The following PDE4D variants were observed in gnomAD, a reference collection of about 807,000 sequenced individuals.
The protein encoded by PDE4D is 3',5'-cyclic-AMP phosphodiesterase 4D.
A neutral mutation model predicts 87.4 loss-of-function variants in PDE4D; 24 were observed. The observed-to-expected ratio is 0.27, with a 90% confidence interval of 0.20 to 0.39. The LOEUF is 0.39. Among genes scored for constraint, PDE4D ranks in the 10% least tolerant of loss-of-function variants. The probability of loss-of-function intolerance (pLI) is 1.00; values close to 1 mark genes in which losing one functional copy is unlikely to be tolerated. For missense variants in PDE4D, 714 were observed against 1,041.0 expected (o/e 0.69, Z 4.32); for synonymous variants, 384 against 383.2 (o/e 1.00, Z -0.02).
In PDE4D at chr5:58,993,507, A is replaced by G. The variant is rs7724713; in HGVS notation, c.922-42T>C. 0.84 allele frequency: 1,088,614 copies of G among 1,292,418 alleles called. 459,343 individuals are homozygous for G. Among genetic ancestry groups the G allele is most frequent in the Admixed American group, 0.9 (44,047 of 48,686 alleles). The allele number at this position is 1,292,418 out of a possible 1,614,324, so 80.1% of individuals were successfully genotyped here. Reference sequence around the variant, plus strand: ...TAAAATGAAATAATAGAAGAGGAAAATTTAAGTGAAATATATATGCATACT... The same window carrying G: ...TAAAATGAAATAATAGAAGAGGAAAGTTTAAGTGAAATATATATGCATACT... On this transcript the variant is annotated intron_variant, in intron 6 of 14. Transcript: ENST00000340635.
chr5:59,882,493 G>A (rs531872051), intron 1 of PDE4D, among the ~76,000 whole-genome samples: 14 of 152,202 alleles, frequency 9.2e-5, no homozygotes, highest in African/African-American at 2.9e-4. Context: ...GGACAATCTC[G>A]ATAGACTAAA....
chr5:60,469,952 T>C (rs552735466), intron 1 of PDE4D, among the ~76,000 whole-genome samples: 1 of 152,316 alleles, frequency 6.6e-6, no homozygotes, highest in African/African-American at 2.4e-5. Context: ...TATCTCACTT[T>C]AAATCAAAAG....
chr5:59,493,697 T>C (rs896910086), intron 1 of PDE4D, among the ~76,000 whole-genome samples: 4 of 152,236 alleles, frequency 2.6e-5, no homozygotes, highest in South Asian at 2.1e-4. Flanking sequence ...AATGTTTTAA[T>C]GTATAGGTAA....
intron 1 of PDE4D, among the ~76,000 whole-genome samples, chr5:59,494,514 C>T (rs922532481): frequency 6.6e-6 from 1 of 152,194 alleles, no homozygotes; most frequent in Non-Finnish European, 1.5e-5. Context: ...TTCTGGTCTA[C>T]ATCAGTTCTC....
intron 1 of PDE4D, among the ~76,000 whole-genome samples, chr5:60,341,290 C>G (rs1758295871): frequency 6.6e-6 from 1 of 152,192 alleles, no homozygotes; most frequent in South Asian, 2.1e-4. Context: ...GCACAGAGCC[C>G]AGGCAGGCAT....
chr5:59,707,935 T>C (rs1272307865), intron 1 of PDE4D, among the ~76,000 whole-genome samples: 1 of 152,208 alleles, frequency 6.6e-6, no homozygotes, highest in African/African-American at 2.4e-5. Context: ...GTATGTATCT[T>C]TGTAACAGAA....
At chr5:59,304,870 G>A (rs181004356) in intron 1 of PDE4D, among the ~76,000 whole-genome samples, 3 of 152,120 alleles carry the variant, frequency 2.0e-5, no homozygotes, top group Admixed American at 2.0e-4. Flanking sequence ...TTTTGGTTAT[G>A]TCCTTTCCTG....
intron 11 of PDE4D, among the ~76,000 whole-genome samples, chr5:58,981,447 TATAAAG>T (rs1745124062): frequency 6.7e-6 from 1 of 150,220 alleles, no homozygotes; most frequent in East Asian, 2.0e-4. Context: ...TAAATACTAA[TATAAAG>T]TTAATACCTC....
At chr5:59,623,157 C>T (rs1830524433) in intron 1 of PDE4D, among the ~76,000 whole-genome samples, 2 of 152,112 alleles carry the variant, frequency 1.3e-5, no homozygotes, top group Admixed American at 6.6e-5. Context: ...GTCAAAAATA[C>T]AGAATATCCT....
chr5:60,086,026 T>A (rs1218304463), intron 2 of PDE4D, among the ~76,000 whole-genome samples: 1 of 152,194 alleles, frequency 6.6e-6, no homozygotes, highest in African/African-American at 2.4e-5. Flanking sequence ...AGTAAAAAAA[T>A]GGCATCTATT....
intron 6 of PDE4D, among the ~76,000 whole-genome samples, chr5:59,031,362 GATAT>G (rs137969980): frequency 6.3e-4 from 71 of 111,864 alleles, no homozygotes; most frequent in Non-Finnish European, 9.2e-4. Context: ...AAGAAAATGT[GATAT>G]ATATATATAT....
chr5:60,123,112 A>T (rs540010394), intron 2 of PDE4D, among the ~76,000 whole-genome samples: 180 of 152,324 alleles, frequency 1.2e-3, no homozygotes, highest in African/African-American at 4.1e-3. Context: ...TATTGCTAGC[A>T]GGCTTTGGGT....
intron 5 of PDE4D, among the ~76,000 whole-genome samples, chr5:59,070,135 A>T: frequency 6.6e-6 from 1 of 152,216 alleles, no homozygotes. Context: ...GTTACATGGT[A>T]TTCTCACTAA....
At chr5:59,253,026 GA>G (rs1401453516) in intron 1 of PDE4D, among the ~76,000 whole-genome samples, 1 of 152,106 alleles carries the variant, frequency 6.6e-6, no homozygotes, top group African/African-American at 2.4e-5. Flanking sequence ...CATCATCACT[GA>G]AGTCACATTC....
At chr5:59,086,493 T>C (rs1319613905) in intron 5 of PDE4D, among the ~76,000 whole-genome samples, 3 of 152,132 alleles carry the variant, frequency 2.0e-5, no homozygotes, top group Admixed American at 1.3e-4. Context: ...GTTGGATTCT[T>C]CTTTCTCTAT....
intron 1 of PDE4D, among the ~76,000 whole-genome samples, chr5:60,210,919 T>C (rs1204056213): frequency 6.6e-6 from 1 of 152,218 alleles, no homozygotes; most frequent in Non-Finnish European, 1.5e-5. Context: ...TGCTCTTTTA[T>C]GGCAGGCCAG....
rs1166110261 is a variant in PDE4D at position 60,106,464 on chromosome 5, AC to A, written c.42+79092del. Among the ~76,000 whole-genome samples the A allele has an allele frequency of 1.7e-4, 26 of 152,240 alleles. No homozygotes were observed. The South Asian group carries it at 5.0e-3, about 29-fold the overall frequency. On this transcript the variant is annotated intron_variant, in intron 2 of 16. Transcript: ENST00000502484. ...GACAGATCAACGAGACAGAAAGTTA[AC>A]AAGGATACCCAGGAATTGAACTCAC...
intron 1 of PDE4D, among the ~76,000 whole-genome samples, chr5:59,489,707 A>T (rs923034912): frequency 2.6e-5 from 4 of 152,194 alleles, no homozygotes; most frequent in African/African-American, 4.8e-5. Context: ...TTGTGCCCAC[A>T]TTAAAAAGAA....
chr5:60,442,666 A>G (rs966060412), intron 1 of PDE4D, among the ~76,000 whole-genome samples: 1 of 152,178 alleles, frequency 6.6e-6, no homozygotes, highest in African/African-American at 2.4e-5. Flanking sequence ...GTGGGAATGT[A>G]AAGCAAAGCC....
Sources: allele counts gnomAD v4.1 joint callset (sites outside exome capture counted in the v4.1 genomes callset), GRCh38; gene constraint gnomAD v4.1.1; transcripts MANE v1.5; gene names NCBI Gene and HGNC (gene_info 2026-07-23, HGNC 2026-07-21).